IGSF10: variants seen among roughly 807,000 people sequenced by gnomAD.
IGSF10 encodes calvaria mechanical force protein 608.
A neutral mutation model predicts 128.2 loss-of-function variants in IGSF10; 126 were observed. That is an observed-to-expected ratio of 0.98 (90% CI 0.85 to 1.14). The LOEUF is 1.14. Ranked by LOEUF, IGSF10 falls within the 50% of genes most tolerant of loss-of-function variation. The pLI, the probability that IGSF10 is intolerant of heterozygous loss-of-function variation, is 0.00. For missense variants in IGSF10, 3,295 were observed against 3,149.8 expected, an observed-to-expected ratio of 1.05 and a Z score of -1.10; for synonymous variants, 1,185 against 1,146.2, an observed-to-expected ratio of 1.03 and a Z score of -0.68.
the IGSF10 span, among the ~76,000 whole-genome samples, chr3:151,498,665 T>A: frequency 6.6e-6 from 1 of 152,114 alleles, no homozygotes. Flanking sequence ...GTTATACAAG[T>A]AGACAAATTG....
In IGSF10 at chr3:151,447,117, T is replaced by A; in HGVS notation, c.2864A>T (p.Gln955Leu). The A allele has an allele frequency of 6.2e-7, 1 of 1,614,240 alleles. No homozygotes were observed. The highest frequency in any genetic ancestry group is 8.5e-7 in the Non-Finnish European group (1 of 1,180,030). The change falls in exon 6 of 8, where the codon CAG becomes CTG. Residue 955 changes from glutamine to leucine, a missense_variant. By Grantham distance (113) the Gln-to-Leu change is moderately radical (BLOSUM62 -2). Coordinates refer to ENST00000282466, the MANE Select transcript of IGSF10 (RefSeq NM_178822.5). ...TTCACTCACTTCTCTTACAGATGTCTGATGACTATTTGTGGTATTTACTGA... is the reference window on the plus strand; with the variant it reads ...TTCACTCACTTCTCTTACAGATGTCAGATGACTATTTGTGGTATTTACTGA... Reference protein sequence around the residue: ...LESVNTTNSHQTSVREVSEPR... With the variant: ...LESVNTTNSHLTSVREVSEPR...
intron 5 of IGSF10, among the ~76,000 whole-genome samples, chr3:151,451,446 G>C (rs911890017): frequency 3.9e-5 from 6 of 152,126 alleles, no homozygotes; most frequent in African/African-American, 1.4e-4. Context: ...TTGTTCATCT[G>C]TATGTCCCCA....
At chr3:151,444,626 A>C (rs145415590) in intron 6 of IGSF10, among the ~76,000 whole-genome samples, 1 of 152,282 alleles carries the variant, frequency 6.6e-6, no homozygotes, top group Admixed American at 6.5e-5. Context: ...TTTTTTATTC[A>C]CATAATTTTA....
At chr3:151,613,880 G>C in the IGSF10 span, among the ~76,000 whole-genome samples, 2 of 151,262 alleles carry the variant, frequency 1.3e-5, no homozygotes, top group African/African-American at 4.8e-5. Flanking sequence ...CCATCAGAAT[G>C]AACAGGCAAC....
At chr3:151,574,408 G>A in the IGSF10 span, among the ~76,000 whole-genome samples, 2 of 152,150 alleles carry the variant, frequency 1.3e-5, no homozygotes, top group Non-Finnish European at 2.9e-5. Context: ...TGGAGGCTTT[G>A]TCTATTTCTC....
chr3:151,528,416 A>G, the IGSF10 span, among the ~76,000 whole-genome samples: 9 of 152,216 alleles, frequency 5.9e-5, no homozygotes, highest in Admixed American at 5.9e-4. Flanking sequence ...TGCTGGCATG[A>G]TGGCAGAATA....
At chr3:151,567,595 T>A in the IGSF10 span, among the ~76,000 whole-genome samples, 1 of 152,112 alleles carries the variant, frequency 6.6e-6, no homozygotes, top group Non-Finnish European at 1.5e-5. Context: ...GAGGGTCTCT[T>A]TTATATGCAA....
At chr3:151,511,587 A>C in the IGSF10 span, among the ~76,000 whole-genome samples, 2 of 152,168 alleles carry the variant, frequency 1.3e-5, no homozygotes, top group Non-Finnish European at 2.9e-5. Context: ...CTAACATCAT[A>C]ATGACAGGAT....
At chr3:151,530,457 C>T in the IGSF10 span, among the ~76,000 whole-genome samples, 83 of 152,006 alleles carry the variant, frequency 5.5e-4, no homozygotes, top group African/African-American at 1.9e-3. Context: ...TTAAGGGCAG[C>T]CAGAGAGAAA....
At chr3:151,560,938 A>G in the IGSF10 span, among the ~76,000 whole-genome samples, 1 of 152,204 alleles carries the variant, frequency 6.6e-6, no homozygotes, top group African/African-American at 2.4e-5. Flanking sequence ...GTCTTCGTTT[A>G]CTTGTTGGAA....
the IGSF10 span, among the ~76,000 whole-genome samples, chr3:151,556,133 A>C: frequency 6.6e-6 from 1 of 152,168 alleles, no homozygotes; most frequent in Non-Finnish European, 1.5e-5. Flanking sequence ...TCTGAGTAAA[A>C]CTAACTTTCA....
chr3:151,495,576 CTG>C, the IGSF10 span, among the ~76,000 whole-genome samples: 1 of 115,148 alleles, frequency 8.7e-6, no homozygotes, highest in African/African-American at 3.7e-5. Flanking sequence ...TTAATTTTCA[CTG>C]TTTTTTTTAT....
chr3:151,490,916 A>T, the IGSF10 span, among the ~76,000 whole-genome samples: 3 of 152,142 alleles, frequency 2.0e-5, no homozygotes, highest in Non-Finnish European at 4.4e-5. Context: ...TACCTACATT[A>T]AAAAATTCCA....
chr3:151,470,729 A>G, the IGSF10 span, among the ~76,000 whole-genome samples: 1 of 148,394 alleles, frequency 6.7e-6, no homozygotes. Flanking sequence ...TCACTAAGGC[A>G]TATCCTAATT....
chr3:151,616,443 A>G, the IGSF10 span, among the ~76,000 whole-genome samples: 1 of 152,214 alleles, frequency 6.6e-6, no homozygotes, highest in African/African-American at 2.4e-5. Context: ...TTTTATGGAC[A>G]TTCATTAAGT....
rs796345349 is a variant in IGSF10 at position 151,441,897 on chromosome 3, T to TA, written c.5963+1086dup. ...TAACATGGTGAAACTCCGTCTCTAC[T>TA]AAAAATACAAAAAATTAGTCGGATG... is the stretch of plus-strand genomic sequence containing the variant. On this transcript the variant is annotated intron_variant, in intron 7 of 7. Coordinates refer to ENST00000282466, the MANE Select transcript of IGSF10 (RefSeq NM_178822.5). 6.1e-4 allele frequency among the ~76,000 whole-genome samples: 93 copies of TA among 152,176 alleles called. 1 individual carries two copies. Among genetic ancestry groups the TA allele is most frequent in the African/African-American group, 2.1e-3 (86 of 41,536 alleles).
At chr3:151,580,716 A>C in the IGSF10 span, among the ~76,000 whole-genome samples, 1 of 152,196 alleles carries the variant, frequency 6.6e-6, no homozygotes, top group Admixed American at 6.5e-5. Context: ...CTGTGTGTAC[A>C]CTTACGGAGG....
At chr3:151,439,680 T>C (rs1464615693) in intron 7 of IGSF10, among the ~76,000 whole-genome samples, 1 of 152,258 alleles carries the variant, frequency 6.6e-6, no homozygotes, top group Non-Finnish European at 1.5e-5. Flanking sequence ...TTGCAGCATC[T>C]GCCCTCTATG....
Position 151,453,473 on chromosome 3 carries a change from GGC to G in IGSF10, c.624_625del (p.Met208IlefsTer2). On this transcript the variant is annotated frameshift_variant, in exon 5 of 8. Transcript: ENST00000282466. LOFTEE classifies it high-confidence loss of function. ...ATGCAGGTAAAGGCTGTCTAGGTCAGGCATATAGGAGACCATCTCTTGAGGGA... is the reference window on the plus strand; with the variant it reads ...ATGCAGGTAAAGGCTGTCTAGGTCAGATATAGGAGACCATCTCTTGAGGGA... 1 of 1,613,978 alleles carries G rather than the reference GGC, an allele frequency of 6.2e-7. No individual in the cohort carries two copies.
Sources: gnomAD v4.1 joint callset for allele counts (sites outside exome capture counted in the v4.1 genomes callset) on GRCh38, gnomAD v4.1.1 for gene constraint, MANE v1.5 for transcripts, NCBI Gene and HGNC (gene_info 2026-07-23, HGNC 2026-07-21) for gene names.